The following CDK14 variants were observed in gnomAD, a reference collection of about 807,000 sequenced individuals.
The protein encoded by CDK14 is cyclin-dependent kinase 14.
In CDK14, 34 loss-of-function variants were observed where a neutral mutation model predicts 60.7. The ratio of observed to expected loss-of-function variants is 0.56; its 90% CI spans 0.43 to 0.75. CDK14 has a LOEUF of 0.75. Ranked by LOEUF, CDK14 falls within the 30% of genes least tolerant of loss-of-function variation. The pLI is 0.00. For synonymous variants in CDK14, 197 were observed against 203.7 expected (o/e 0.97, Z 0.28); for missense variants, 482 against 564.1 (o/e 0.85, Z 1.47).
At chr7:90,863,355 T>G in intron 6 of CDK14, 86 bp downstream of exon 6, 1 of 710,532 alleles carries the variant, frequency 1.4e-6, no homozygotes, top group South Asian at 1.8e-5. Flanking sequence ...GTTTTTAGAT[T>G]GCTGTACTGA....
intron 2 of CDK14, chr7:90,709,106 CTA>C (rs2116636892): frequency 6.3e-6 from 1 of 158,564 alleles, no homozygotes; most frequent in East Asian, 1.8e-4. Flanking sequence ...AAGCTCATAA[CTA>C]TGCATTCTTT....
intron 10 of CDK14, among the ~76,000 whole-genome samples, chr7:91,015,932 G>A (rs1378568199): frequency 3.9e-5 from 6 of 152,208 alleles, no homozygotes; most frequent in Non-Finnish European, 5.9e-5. Context: ...GGATTTTGGG[G>A]TTGACATGTA....
chr7:90,962,824 G>A (rs1362900732), intron 9 of CDK14, among the ~76,000 whole-genome samples: 1 of 152,030 alleles, frequency 6.6e-6, no homozygotes, highest in East Asian at 1.9e-4. Context: ...TGCCTCACTG[G>A]TTTGTGAGAA....
intron 2 of CDK14, among the ~76,000 whole-genome samples, chr7:90,720,698 CTTATTA>C (rs1211920753): frequency 1.3e-5 from 2 of 152,020 alleles, no homozygotes; most frequent in African/African-American, 4.8e-5. Context: ...TTTATGTAAT[CTTATTA>C]TTATTTCTCT....
At chr7:90,630,888 A>ATGTGTGTGTGTGTCTGTGTG (rs1799980716) in intron 2 of CDK14, among the ~76,000 whole-genome samples, 4 of 148,470 alleles carry the variant, frequency 2.7e-5, no homozygotes, top group Non-Finnish European at 1.5e-5. Context: ...TGGGGTGTGT[A>ATGTGTGTGTGTGTCTGTGTG]TGTGTGTGTG....
At chr7:91,108,761 T>C (rs1206434180) in intron 12 of CDK14, among the ~76,000 whole-genome samples, 2 of 152,222 alleles carry the variant, frequency 1.3e-5, no homozygotes, top group Non-Finnish European at 2.9e-5. Flanking sequence ...AAAACCTCCA[T>C]TTTGAAAATC....
chr7:90,972,244 C>T (rs377093221), intron 9 of CDK14, among the ~76,000 whole-genome samples: 2 of 152,302 alleles, frequency 1.3e-5, no homozygotes, highest in East Asian at 3.9e-4. Context: ...TTGTGCCTAT[C>T]TGTGCCTAAT....
At chr7:90,733,516 A>T (rs527483351) in intron 3 of CDK14, among the ~76,000 whole-genome samples, 1 of 152,312 alleles carries the variant, frequency 6.6e-6, no homozygotes, top group South Asian at 2.1e-4. Context: ...TATTGGGTGC[A>T]TATATATTTA....
Position 91,062,436 on chromosome 7 carries a change from A to G in CDK14, c.1105+16476A>G, listed in dbSNP as rs187590217. On this transcript the variant is annotated intron_variant, in intron 11 of 14. Coordinates refer to ENST00000380050, the MANE Select transcript of CDK14 (RefSeq NM_001287135.2). ...ACCCACTCTCCGACATTCACCAGTGAGATGAACCTGGTACCTCAGTTGGAA... is the reference window on the plus strand; with the variant it reads ...ACCCACTCTCCGACATTCACCAGTGGGATGAACCTGGTACCTCAGTTGGAA... Among the ~76,000 whole-genome samples the G allele has an allele frequency of 2.0e-3, 307 of 151,612 alleles. 1 individual carries two copies. The highest frequency in any genetic ancestry group is 7.0e-3 in the African/African-American group (290 of 41,330).
At chr7:91,074,530 G>A (rs1798239942) in intron 11 of CDK14, among the ~76,000 whole-genome samples, 2 of 152,140 alleles carry the variant, frequency 1.3e-5, no homozygotes, top group Admixed American at 1.3e-4. Context: ...TGCACTAAAT[G>A]CTCACATCAG....
intron 2 of CDK14, among the ~76,000 whole-genome samples, chr7:90,631,388 G>A (rs1799993990): frequency 6.6e-6 from 1 of 152,148 alleles, no homozygotes; most frequent in Admixed American, 6.5e-5. Flanking sequence ...TTGGAGGAAG[G>A]GATTTGGCTA....
At chr7:90,801,801 C>G (rs1788642800) in intron 5 of CDK14, among the ~76,000 whole-genome samples, 1 of 152,096 alleles carries the variant, frequency 6.6e-6, no homozygotes, top group Non-Finnish European at 1.5e-5. Flanking sequence ...TTTTGATGAT[C>G]AAATACAACC....
At chr7:90,973,080 T>C (rs1794974014) in intron 9 of CDK14, among the ~76,000 whole-genome samples, 1 of 152,186 alleles carries the variant, frequency 6.6e-6, no homozygotes, top group African/African-American at 2.4e-5. Flanking sequence ...AACTAACCTG[T>C]AATGAGTTAT....
chr7:90,659,365 G>A (rs901169259), intron 2 of CDK14, among the ~76,000 whole-genome samples: 1 of 152,152 alleles, frequency 6.6e-6, no homozygotes, highest in Non-Finnish European at 1.5e-5. Context: ...ATTATGTTCA[G>A]ACCCCAAAGG....
At chr7:90,611,874 C>T (rs530996091) in intron 2 of CDK14, among the ~76,000 whole-genome samples, 2 of 149,856 alleles carry the variant, frequency 1.3e-5, no homozygotes, top group African/African-American at 4.9e-5. Context: ...ACTCTGTCAC[C>T]CAGGCTGGAG....
At chr7:91,136,964 C>G (rs1330056279) in intron 14 of CDK14, among the ~76,000 whole-genome samples, 1 of 152,140 alleles carries the variant, frequency 6.6e-6, no homozygotes, top group Non-Finnish European at 1.5e-5. Context: ...GTTATGCCCT[C>G]TTCATTGATA....
Position 90,741,404 on chromosome 7 carries a change from C to T in CDK14, c.370-6277C>T, listed in dbSNP as rs370379142. On this transcript the variant is annotated intron_variant, in intron 3 of 14. Coordinates refer to ENST00000380050, the MANE Select transcript of CDK14 (RefSeq NM_001287135.2). ...TGGAAAGATCTGACTTTAGATTTTG[C>T]AAAAATCTGTTTAGTTCCACACATA... Among the ~76,000 whole-genome samples, 5 of 152,236 alleles carry T rather than the reference C, an allele frequency of 3.3e-5. No homozygotes were observed. The South Asian group carries it at 1.0e-3, about 32-fold the overall frequency.
chr7:90,919,601 A>G (rs1047215616), intron 8 of CDK14, among the ~76,000 whole-genome samples: 1 of 152,170 alleles, frequency 6.6e-6, no homozygotes, highest in African/African-American at 2.4e-5. Flanking sequence ...CCTTTCTCTC[A>G]TTCCTTGCTT....
At chr7:91,044,765 C>T (rs909252784) in intron 10 of CDK14, among the ~76,000 whole-genome samples, 1 of 152,096 alleles carries the variant, frequency 6.6e-6, no homozygotes, top group African/African-American at 2.4e-5. Context: ...TTTGTCTATC[C>T]ATTTATCCAA....
Sources: gnomAD v4.1 joint callset for allele counts (sites outside exome capture counted in the v4.1 genomes callset) on GRCh38, gnomAD v4.1.1 for gene constraint, MANE v1.5 for transcripts, NCBI Gene and HGNC (gene_info 2026-07-23, HGNC 2026-07-21) for gene names.